The following LSAMP variants were observed in gnomAD, a reference collection of about 807,000 sequenced individuals.
LSAMP encodes limbic system associated membrane protein.
LSAMP carries 7 observed loss-of-function variants against 38.6 expected under a neutral mutation model. The observed-to-expected ratio is 0.18, with a 90% CI of 0.10 to 0.34. LSAMP has a LOEUF of 0.34. Among genes scored for constraint, LSAMP ranks in the 10% least tolerant of loss-of-function variants. LSAMP has a pLI of 1.00. For missense variants in LSAMP, 313 were observed against 420.0 expected, an observed-to-expected ratio of 0.75 and a Z score of 2.23; for synonymous variants, 154 against 166.8, an observed-to-expected ratio of 0.92 and a Z score of 0.59.
At chr3:116,190,501 TAAAC>T (rs974085621) in intron 1 of LSAMP, among the ~76,000 whole-genome samples, 8 of 152,182 alleles carry the variant, frequency 5.3e-5, no homozygotes, top group South Asian at 4.1e-4. Flanking sequence ...CAGAGGGAGA[TAAAC>T]AAACAGTGTG....
chr3:116,008,300 A>T (rs1362158276), intron 3 of LSAMP, among the ~76,000 whole-genome samples: 2 of 152,198 alleles, frequency 1.3e-5, no homozygotes, highest in Non-Finnish European at 2.9e-5. Flanking sequence ...ATAAAAGTAA[A>T]TTATGGACAG....
chr3:116,210,601 C>G lies in LSAMP; in HGVS notation c.156-124045G>C, dbSNP rs188264176. ...GGGACTCGGACTGGCTTCCTGGCTC[C>G]TCAGCTTGCAGACAGCTTATTGTGG... On this transcript the variant is annotated intron_variant, in intron 1 of 6. Transcript: ENST00000490035. Among the ~76,000 whole-genome samples, 294 of 152,298 alleles carry G rather than the reference C, an allele frequency of 1.9e-3. 1 individual carries two copies. The highest frequency in any genetic ancestry group is 6.4e-3 in the African/African-American group (265 of 41,572).
intron 3 of LSAMP, among the ~76,000 whole-genome samples, chr3:115,921,467 C>T (rs6780769): frequency 0.056 from 8,572 of 152,046 alleles, 810 homozygotes; most frequent in African/African-American, 0.19. Flanking sequence ...CACACATACG[C>T]ATGTTATTGA....
intron 1 of LSAMP, among the ~76,000 whole-genome samples, chr3:116,312,612 T>A (rs1218694531): frequency 6.6e-6 from 1 of 152,182 alleles, no homozygotes; most frequent in Admixed American, 6.5e-5. Flanking sequence ...AGGCATTTGT[T>A]AGATATGCCA....
intron 2 of LSAMP, among the ~76,000 whole-genome samples, chr3:116,085,364 A>G (rs1419410221): frequency 1.3e-5 from 2 of 152,206 alleles, no homozygotes; most frequent in Admixed American, 1.3e-4. Context: ...ACAATAATCA[A>G]TTCCATAACA....
At chr3:116,167,610 A>G (rs1262286547) in intron 1 of LSAMP, among the ~76,000 whole-genome samples, 1 of 152,144 alleles carries the variant, frequency 6.6e-6, no homozygotes, top group Non-Finnish European at 1.5e-5. Flanking sequence ...CTGTCCTTCC[A>G]TCCATCTATT....
chr3:116,061,436 G>GGTCCTTCT (rs1941593025), intron 2 of LSAMP, among the ~76,000 whole-genome samples: 3 of 151,536 alleles, frequency 2.0e-5, no homozygotes, highest in South Asian at 4.2e-4. Context: ...GCATGGGCAT[G>GGTCCTTCT]GTGATACAGC....
At chr3:116,347,253 C>A (rs544459246) in intron 1 of LSAMP, among the ~76,000 whole-genome samples, 3 of 152,298 alleles carry the variant, frequency 2.0e-5, no homozygotes, top group South Asian at 2.1e-4. Flanking sequence ...GAGGGCCAAC[C>A]TTTTGCTTGT....
chr3:115,955,372 GAT>G (rs1938422845), intron 3 of LSAMP, among the ~76,000 whole-genome samples: 1 of 151,914 alleles, frequency 6.6e-6, no homozygotes, highest in African/African-American at 2.4e-5. Flanking sequence ...ATTTTTTCCT[GAT>G]AGTTTCTTTA....
At chr3:116,332,031 G>A (rs946003884) in intron 1 of LSAMP, among the ~76,000 whole-genome samples, 2 of 151,922 alleles carry the variant, frequency 1.3e-5, no homozygotes, top group African/African-American at 4.8e-5. Context: ...GGTACAGATG[G>A]TGTCTCGGTA....
rs530039481 is a variant in LSAMP, at chr3:116,124,895, G to C, written c.156-38339C>G. Among the ~76,000 whole-genome samples, 7 of 152,262 alleles carry C rather than the reference G, an allele frequency of 4.6e-5. No homozygotes were observed. The South Asian group carries it at 1.2e-3, about 27-fold the overall frequency. On this transcript the variant is annotated intron_variant, in intron 1 of 6. Coordinates refer to ENST00000490035, the MANE Select transcript of LSAMP (RefSeq NM_002338.5). ...GTTTTCATTTGTAAACTTCGACTCT[G>C]ATCTTTGCATAGTAAATAACTGACT...
intron 1 of LSAMP, among the ~76,000 whole-genome samples, chr3:116,182,995 T>A (rs957851551): frequency 6.6e-6 from 1 of 151,876 alleles, no homozygotes; most frequent in Non-Finnish European, 1.5e-5. Flanking sequence ...TACACCTGCA[T>A]AACATGTAAT....
intron 1 of LSAMP, among the ~76,000 whole-genome samples, chr3:116,315,462 A>T (rs1203913895): frequency 6.6e-6 from 1 of 152,214 alleles, no homozygotes; most frequent in East Asian, 1.9e-4. Context: ...AATGGAAAAA[A>T]AAAGCTGTTA....
chr3:116,359,165 GA>G, intron 1 of LSAMP, among the ~76,000 whole-genome samples: 1 of 152,194 alleles, frequency 6.6e-6, no homozygotes, highest in South Asian at 2.1e-4. Context: ...CTTTTTGGTT[GA>G]GTCTTTTCTA....
rs796166742 is a variant in LSAMP at position 116,369,134 on chromosome 3, GAA to G, written c.155+75741_155+75742del. 4.2e-3 allele frequency among the ~76,000 whole-genome samples: 600 copies of G among 142,314 alleles called. 3 individuals carry two copies. Among genetic ancestry groups the G allele is most frequent in the African/African-American group, 0.014 (563 of 38,980 alleles). The allele number at this position is 142,314 out of a possible 152,430, so 93.4% of individuals were successfully genotyped here. A position where few individuals can be genotyped will look rare whatever the true frequency, so the allele number is the denominator to read the frequency against. On this transcript the variant is annotated intron_variant, in intron 1 of 6. Transcript: ENST00000490035. ...AGCTTTTCCATAAAGAAGAAAGCAAGAAAAAAAAAAAGAGAAGATTGATCCTG... is the reference window on the plus strand; with the variant it reads ...AGCTTTTCCATAAAGAAGAAAGCAAGAAAAAAAAAGAGAAGATTGATCCTG...
At chr3:115,919,746 G>C (rs765110448) in intron 3 of LSAMP, among the ~76,000 whole-genome samples, 4 of 152,074 alleles carry the variant, frequency 2.6e-5, no homozygotes, top group Non-Finnish European at 4.4e-5. Context: ...CGAGTAGCTG[G>C]GATTACAGGC....
chr3:116,274,297 T>C (rs2047018330), intron 1 of LSAMP, among the ~76,000 whole-genome samples: 1 of 152,214 alleles, frequency 6.6e-6, no homozygotes, highest in Non-Finnish European at 1.5e-5. Context: ...TTCCTGCTTT[T>C]GTCACTGGGA....
intron 1 of LSAMP, among the ~76,000 whole-genome samples, chr3:116,380,769 A>T (rs1051088613): frequency 6.6e-6 from 1 of 152,082 alleles, no homozygotes; most frequent in Non-Finnish European, 1.5e-5. Context: ...AATATATTAC[A>T]GTATCTTCAA....
chr3:116,356,816 C>A lies in LSAMP; in HGVS notation c.155+88061G>T, dbSNP rs557490352. ...CTTTCTTTTTTTTTGTTTTTTGAGA[C>A]GGAGTCTCGCTCTGTGGCCCAGGCT... is the stretch of plus-strand genomic sequence containing the variant. On this transcript the variant is annotated intron_variant, in intron 1 of 6. Coordinates refer to ENST00000490035, the MANE Select transcript of LSAMP (RefSeq NM_002338.5). Among the ~76,000 whole-genome samples, 3 of 151,978 alleles carry A rather than the reference C, an allele frequency of 2.0e-5. No individual in the cohort carries two copies. In the South Asian group the frequency reaches 6.2e-4, roughly 32 times the overall value.
Sources: allele counts gnomAD v4.1 joint callset (sites outside exome capture counted in the v4.1 genomes callset), GRCh38; gene constraint gnomAD v4.1.1; transcripts MANE v1.5; gene names NCBI Gene and HGNC (gene_info 2026-07-23, HGNC 2026-07-21).